ADCY2: variants seen among roughly 807,000 people sequenced by gnomAD.
The protein encoded by ADCY2 is adenylate cyclase 2.
Under a neutral mutation model 125.2 loss-of-function variants are expected in ADCY2, and 31 were observed. The observed-to-expected ratio is 0.25, with a 90% CI of 0.19 to 0.33. The LOEUF is 0.33. ADCY2 is among the 10% of genes least tolerant of loss of function. ADCY2 has a pLI of 1.00. For missense variants in ADCY2, 904 were observed against 1,418.2 expected (o/e 0.64, Z 5.82); for synonymous variants, 512 against 548.4 (o/e 0.93, Z 0.93).
At chr5:7,712,981 T>C in intron 11 of ADCY2, 82 bp downstream of exon 11, 1 of 1,072,286 alleles carries the variant, frequency 9.3e-7, no homozygotes. Flanking sequence ...ATTATGGTAA[T>C]TTCAAGGGCT....
chr5:7,484,909 G>A (rs1742868495), intron 2 of ADCY2, among the ~76,000 whole-genome samples: 1 of 152,064 alleles, frequency 6.6e-6, no homozygotes, highest in Admixed American at 6.6e-5. Flanking sequence ...TCTTCTCATT[G>A]ATAACAAACT....
intron 14 of ADCY2, among the ~76,000 whole-genome samples, chr5:7,741,585 T>TATCACC (rs1742409397): frequency 6.7e-5 from 1 of 14,954 alleles, no homozygotes; most frequent in Non-Finnish European, 1.4e-4. Context: ...TCACCATCCC[T>TATCACC]ATCACCATCA....
At chr5:7,748,266 C>T (rs767923893) in intron 15 of ADCY2, among the ~76,000 whole-genome samples, 4 of 152,240 alleles carry the variant, frequency 2.6e-5, no homozygotes, top group South Asian at 2.1e-4. Context: ...GATGGTAAGT[C>T]GGTGGCCTTC....
At chr5:7,400,577 C>T (rs1164842829) in intron 1 of ADCY2, among the ~76,000 whole-genome samples, 1 of 152,202 alleles carries the variant, frequency 6.6e-6, no homozygotes, top group Non-Finnish European at 1.5e-5. Context: ...GTGGAAGAAT[C>T]ACCTCCTTCC....
chr5:7,695,944 T>C, intron 6 of ADCY2, 81 bp downstream of exon 6: 1 of 858,444 alleles, frequency 1.2e-6, no homozygotes, highest in Non-Finnish European at 1.7e-6. Context: ...ATCAATAGTT[T>C]ACTTTTTCAT....
chr5:7,565,425 TATA>T (rs1388890850), intron 3 of ADCY2, among the ~76,000 whole-genome samples: 1 of 152,198 alleles, frequency 6.6e-6, no homozygotes, highest in Non-Finnish European at 1.5e-5. Context: ...CACCCTTGGT[TATA>T]ATAATTTTTA....
At chr5:7,600,100 T>G (rs1009325345) in intron 3 of ADCY2, among the ~76,000 whole-genome samples, 7 of 152,284 alleles carry the variant, frequency 4.6e-5, no homozygotes, top group African/African-American at 1.7e-4. Context: ...TGGGATGGAC[T>G]TCAGGGTTCT....
At chr5:7,754,085 C>G (rs569161338) in intron 15 of ADCY2, among the ~76,000 whole-genome samples, 1 of 152,256 alleles carries the variant, frequency 6.6e-6, no homozygotes, top group East Asian at 1.9e-4. Flanking sequence ...CTGCCAAACC[C>G]CCATGCGTCT....
intron 10 of ADCY2, among the ~76,000 whole-genome samples, chr5:7,711,923 G>T (rs966825085): frequency 4.6e-5 from 7 of 152,148 alleles, no homozygotes; most frequent in Admixed American, 4.6e-4. Flanking sequence ...CTTTCAGAAA[G>T]ACCTCACTGG....
At chr5:7,423,733 C>T (rs1740291181) in intron 2 of ADCY2, among the ~76,000 whole-genome samples, 1 of 152,172 alleles carries the variant, frequency 6.6e-6, no homozygotes, top group African/African-American at 2.4e-5. Context: ...TGAGGATTTA[C>T]CCTAACCCTC....
At chr5:7,639,156 A>G (rs1738609820) in intron 4 of ADCY2, among the ~76,000 whole-genome samples, 1 of 152,188 alleles carries the variant, frequency 6.6e-6, no homozygotes, top group Non-Finnish European at 1.5e-5. Context: ...AATACAGGTG[A>G]CAATGGCTAT....
chr5:7,568,626 G>C (rs1469602510), intron 3 of ADCY2, among the ~76,000 whole-genome samples: 1 of 152,122 alleles, frequency 6.6e-6, no homozygotes, highest in East Asian at 1.9e-4. Context: ...ACACCAGATA[G>C]GCTGTTTGCT....
At chr5:7,416,065 C>T (rs1392217842) in intron 2 of ADCY2, among the ~76,000 whole-genome samples, 1 of 152,048 alleles carries the variant, frequency 6.6e-6, no homozygotes, top group African/African-American at 2.4e-5. Flanking sequence ...CCAGGGTTTC[C>T]AGAGGGTGTG....
intron 1 of ADCY2, among the ~76,000 whole-genome samples, chr5:7,399,461 C>A (rs1739183535): frequency 6.6e-6 from 1 of 152,218 alleles, no homozygotes; most frequent in Non-Finnish European, 1.5e-5. Flanking sequence ...TTAATTTCAA[C>A]CTTTGATCAA....
intron 2 of ADCY2, among the ~76,000 whole-genome samples, chr5:7,463,865 A>G (rs1049323521): frequency 6.6e-6 from 1 of 152,194 alleles, no homozygotes; most frequent in Non-Finnish European, 1.5e-5. Context: ...GGAGGAAGTA[A>G]CAGCAACAGC....
intron 1 of ADCY2, among the ~76,000 whole-genome samples, chr5:7,405,726 T>C (rs185345139): frequency 2.9e-4 from 44 of 152,328 alleles, no homozygotes; most frequent in African/African-American, 9.6e-4. Context: ...ATGGGCATGA[T>C]ACAGGGAAGG....
chr5:7,804,836 G>T (rs183870571), intron 22 of ADCY2, 144 bp downstream of exon 22: 20 of 631,618 alleles, frequency 3.2e-5, no homozygotes, highest in Non-Finnish European at 5.0e-5. Context: ...TATGAGAGAA[G>T]ATGAAAATTC....
intron 22 of ADCY2, among the ~76,000 whole-genome samples, chr5:7,813,829 T>C (rs115861134): frequency 5.6e-4 from 85 of 152,352 alleles, no homozygotes; most frequent in African/African-American, 2.0e-3. Flanking sequence ...GCTTGTTTGC[T>C]GCACCTTGGT....
Position 7,396,501 on chromosome 5 carries a change from G to A in ADCY2, c.205G>A (p.Gly69Arg), listed in dbSNP as rs756050509. 23 of 1,561,418 alleles carry A rather than the reference G, an allele frequency of 1.5e-5. No individual in the cohort carries two copies. The highest frequency in any genetic ancestry group is 2.0e-5 in the Non-Finnish European group (23 of 1,154,714). Residue 69 changes from glycine to arginine, a missense_variant, in exon 1 of 25, where the codon GGG becomes AGG. This residue lies in a region of ADCY2 where 113 missense variants were observed against 108.0 expected (regional missense o/e 1.05). Transcript: ENST00000338316. This position sits in a 1 kb window ranked among gnomAD's most constrained non-coding sequence, Gnocchi z 5.7. ...CCTGCTCGCCGTCTTCTTCGCGCTC[G>A]GGCTGGTGAGTGGCCTCCCCGCGGG... ...LALLAVFFAL[G>R]LEVEDHVAFL... is the part of the protein sequence containing the mutation.
Sources: allele counts gnomAD v4.1 joint callset (sites outside exome capture counted in the v4.1 genomes callset), GRCh38; gene constraint gnomAD v4.1.1; regional missense constraint gnomAD v4.1.1; non-coding constraint Gnocchi (gnomAD v3.1); transcripts MANE v1.5; gene names NCBI Gene and HGNC (gene_info 2026-07-23, HGNC 2026-07-21).